SMOC2: variants seen among roughly 807,000 people sequenced by gnomAD.
SMOC2 encodes the protein SPARC related modular calcium binding 2.
Under a neutral mutation model 61.4 loss-of-function variants are expected in SMOC2, and 39 were observed. The observed-to-expected ratio is 0.64, with a 90% CI of 0.49 to 0.83. The LOEUF is 0.83. SMOC2 is among the 40% of genes least tolerant of loss of function. The pLI, the probability that SMOC2 is intolerant of heterozygous loss-of-function variation, is 0.00. For synonymous variants in SMOC2, 247 were observed against 239.9 expected (o/e 1.03, Z -0.27); for missense variants, 556 against 592.9 (o/e 0.94, Z 0.65).
chr6:168,664,662 G>A (rs1787613553), intron 12 of SMOC2: 1 of 465,514 alleles, frequency 2.1e-6, no homozygotes, highest in African/African-American at 2.0e-5. Context: ...CTCCAAAAGG[G>A]GCTTTCGGCT....
chr6:168,534,262 A>T (rs1783682898), intron 4 of SMOC2, among the ~76,000 whole-genome samples: 2 of 152,246 alleles, frequency 1.3e-5, no homozygotes, highest in Non-Finnish European at 2.9e-5. Flanking sequence ...CCAACACAGG[A>T]TTTGTAAAAT....
intron 1 of SMOC2, among the ~76,000 whole-genome samples, chr6:168,491,329 C>T (rs1312099939): frequency 6.6e-6 from 1 of 152,114 alleles, no homozygotes; most frequent in East Asian, 1.9e-4. Flanking sequence ...ATTTTGGATG[C>T]TAAGATAATG....
chr6:168,605,422 TA>T (rs1340921865), intron 8 of SMOC2, among the ~76,000 whole-genome samples: 1 of 152,140 alleles, frequency 6.6e-6, no homozygotes, highest in Non-Finnish European at 1.5e-5. Context: ...TAAGTTAAAA[TA>T]AACCTATTGA....
At chr6:168,512,139 C>T (rs1244252194) in intron 2 of SMOC2, among the ~76,000 whole-genome samples, 2 of 151,996 alleles carry the variant, frequency 1.3e-5, no homozygotes, top group Non-Finnish European at 2.9e-5. Context: ...CTCTGAGGAC[C>T]GACAGGAGGG....
intron 7 of SMOC2, among the ~76,000 whole-genome samples, chr6:168,559,293 TA>T (rs1311365648): frequency 6.6e-6 from 1 of 151,774 alleles, no homozygotes; most frequent in African/African-American, 2.4e-5. Context: ...CGGTCTCTAC[TA>T]AAAATACAAA....
intron 11 of SMOC2, among the ~76,000 whole-genome samples, chr6:168,659,670 G>A (rs371794825): frequency 1.3e-4 from 3 of 23,940 alleles, no homozygotes; most frequent in African/African-American, 3.1e-4. Flanking sequence ...TGTAGGCTGG[G>A]TGAGGGTGGA....
chr6:168,550,377 G>C lies in SMOC2; in HGVS notation c.637+1174G>C, dbSNP rs963058154. On this transcript the variant is annotated intron_variant, in intron 7 of 12. Transcript: ENST00000356284. ...GGTATATTAAAGTTCAGGAGACTAA[G>C]AGTGGTTCGATTCCCCCTTCACCCA... Among the ~76,000 whole-genome samples the C allele has an allele frequency of 2.0e-5, 3 of 152,172 alleles. No homozygotes were observed. In the East Asian group the frequency reaches 5.8e-4, roughly 29 times the overall value.
chr6:168,588,378 C>T (rs1471821247), intron 7 of SMOC2, among the ~76,000 whole-genome samples: 1 of 152,130 alleles, frequency 6.6e-6, no homozygotes, highest in Non-Finnish European at 1.5e-5. Context: ...CCCACCTTGG[C>T]CTCCCAAAGT....
intron 9 of SMOC2, among the ~76,000 whole-genome samples, chr6:168,632,997 A>C (rs1786609117): frequency 6.6e-6 from 1 of 152,082 alleles, no homozygotes; most frequent in African/African-American, 2.4e-5. Flanking sequence ...AGCTCCCAGA[A>C]GCCCCAGCTG....
chr6:168,508,386 T>G (rs13191071), intron 1 of SMOC2, among the ~76,000 whole-genome samples: 4,763 of 152,282 alleles, frequency 0.031, 340 homozygotes, highest in East Asian at 0.21. Flanking sequence ...TAACCCACAG[T>G]GGTGCTGACA....
intron 4 of SMOC2, among the ~76,000 whole-genome samples, chr6:168,538,562 G>C (rs1397581665): frequency 6.1e-5 from 8 of 131,850 alleles, no homozygotes; most frequent in African/African-American, 2.0e-4. Context: ...GAATGTGGGG[G>C]AGTGGGGTGA....
chr6:168,523,893 A>G (rs1783394497), intron 2 of SMOC2, among the ~76,000 whole-genome samples: 1 of 152,220 alleles, frequency 6.6e-6, no homozygotes, highest in South Asian at 2.1e-4. Context: ...TCATCTGTAA[A>G]TAAGGTTTCC....
At chr6:168,533,960 T>A (rs916768690) in intron 4 of SMOC2, among the ~76,000 whole-genome samples, 3 of 152,158 alleles carry the variant, frequency 2.0e-5, no homozygotes, top group Non-Finnish European at 4.4e-5. Context: ...TTAAAATACT[T>A]GTAGGCAGGG....
At chr6:168,625,153 G>A (rs1053825121) in intron 9 of SMOC2, among the ~76,000 whole-genome samples, 2 of 152,340 alleles carry the variant, frequency 1.3e-5, no homozygotes, top group Admixed American at 6.5e-5. Flanking sequence ...GATGCCTGGC[G>A]CTCCAGCAGT....
intron 1 of SMOC2, among the ~76,000 whole-genome samples, chr6:168,464,920 C>T (rs897681751): frequency 7.3e-5 from 11 of 151,258 alleles, no homozygotes; most frequent in Non-Finnish European, 1.5e-4. Context: ...GTGCCTGGGC[C>T]TTCCAGGGGT....
At chr6:168,456,820 C>T (rs1781597657) in intron 1 of SMOC2, among the ~76,000 whole-genome samples, 1 of 152,136 alleles carries the variant, frequency 6.6e-6, no homozygotes, top group African/African-American at 2.4e-5. Context: ...AGGCATGTCA[C>T]TGTGAGGGCA....
chr6:168,489,219 T>A (rs1782412092), intron 1 of SMOC2, among the ~76,000 whole-genome samples: 3 of 150,832 alleles, frequency 2.0e-5, no homozygotes, highest in South Asian at 4.2e-4. Context: ...TATCAAATCG[T>A]CTGGGTCCTC....
chr6:168,538,438 G>GA, intron 4 of SMOC2, among the ~76,000 whole-genome samples: 1 of 110,504 alleles, frequency 9.0e-6, no homozygotes, highest in African/African-American at 3.6e-5. Flanking sequence ...GCTGGAATGT[G>GA]GGGGAGTGGG....
In SMOC2 at chr6:168,441,403, G is replaced by C; in HGVS notation, c.33G>C (p.Leu11=). The change falls in exon 1 of 13, where the codon CTG becomes CTC. Residue 11 remains leucine (L), a synonymous_variant. Transcript: ENST00000356284. MLLPQLCWLP[L]LAGLLPPVPA... ...TCCCCCAGCTCTGCTGGCTGCCGCT[G>C]CTCGCTGGGCTGCTCCCGCCGGTGC... is the stretch of plus-strand genomic sequence containing the variant. 1 of 1,508,352 alleles carries C rather than the reference G, an allele frequency of 6.6e-7. No individual in the cohort carries two copies. Among genetic ancestry groups the C allele is most frequent in the Non-Finnish European group, 8.8e-7 (1 of 1,133,308 alleles). 93.4% of individuals were successfully genotyped at this position (1,508,352 alleles called of 1,614,324 possible).
Sources: gnomAD v4.1 joint callset for allele counts (sites outside exome capture counted in the v4.1 genomes callset) on GRCh38, gnomAD v4.1.1 for gene constraint, MANE v1.5 for transcripts, NCBI Gene and HGNC (gene_info 2026-07-23, HGNC 2026-07-21) for gene names.